The following ST6GALNAC1 variants were observed in gnomAD, a reference collection of about 807,000 sequenced individuals.
The protein encoded by ST6GALNAC1 is ST6 N-acetylgalactosaminide alpha-2,6-sialyltransferase 1.
ST6GALNAC1 carries 45 observed loss-of-function variants against 56.8 expected under a neutral mutation model. That is an observed-to-expected ratio of 0.79 (90% CI 0.62 to 1.02). ST6GALNAC1 has a LOEUF of 1.02. Ranked by LOEUF, ST6GALNAC1 falls within the 50% of genes least tolerant of loss-of-function variation. The pLI is 0.00. For synonymous variants in ST6GALNAC1, 295 were observed against 297.8 expected, an observed-to-expected ratio of 0.99 and a Z score of 0.10; for missense variants, 743 against 754.8, an observed-to-expected ratio of 0.98 and a Z score of 0.18.
At position 76,626,361 on chromosome 17, in the gene ST6GALNAC1, G is replaced by T. The variant is rs767866914; in HGVS notation, c.1343C>A (p.Thr448Asn). 1.9e-6 allele frequency: 3 copies of T among 1,614,030 alleles called. No individual in the cohort carries two copies. The highest frequency in any genetic ancestry group is 2.7e-5 in the African/African-American group (2 of 74,912). Residue 448 changes from threonine to asparagine, a missense_variant, in exon 6 of 9, where the codon ACC becomes AAC. By Grantham distance (65) the Thr-to-Asn change is moderately conservative. Transcript: ENST00000156626. ...DVRYLHFLEG[T>N]RDYEWLEALL... Reference sequence around the variant, plus strand: ...TGCTTCCAGCCACTCATAGTCCCGGGTGCCTTCCAGGAAGTGCAAGTAGCG... The same window carrying T: ...TGCTTCCAGCCACTCATAGTCCCGGTTGCCTTCCAGGAAGTGCAAGTAGCG...
rs2286594 is a variant in ST6GALNAC1 at position 76,629,279 on chromosome 17, C to T, written c.564G>A (p.Ala188=). 2.6e-4 allele frequency: 420 copies of T among 1,614,130 alleles called. 5 individuals are homozygous for T. The East Asian group carries it at 7.9e-3, about 30-fold the overall frequency. The change falls in exon 2 of 9, where the codon GCG becomes GCA. Residue 188 remains alanine (A), a synonymous_variant. Transcript: ENST00000156626. ...GAATGAGCGTCTTGGCTGTGGTTGC[C>T]GCTTTGCCCTGGTGCTTCTCTGACA... The part of the protein sequence containing the change: ...RTVSEKHQGK[A]ATTAKTLIPK...
downstream of ST6GALNAC1, among the ~76,000 whole-genome samples, chr17:76,621,872 G>A (rs960061104): frequency 1.3e-5 from 2 of 151,980 alleles, no homozygotes; most frequent in Non-Finnish European, 2.9e-5. Context: ...ACTGGTTCAG[G>A]GTGCTGCCTG....
At chr17:76,626,447 G>C in intron 5 of ST6GALNAC1, 55 bp from the exon 6 acceptor site, 1 of 1,579,588 alleles carries the variant, frequency 6.3e-7, no homozygotes. Flanking sequence ...GACCACCACC[G>C]AGGGTGGCCC....
At chr17:76,622,663 C>T (rs779881165), downstream of ST6GALNAC1, among the ~76,000 whole-genome samples, 1 of 152,110 alleles carries the variant, frequency 6.6e-6, no homozygotes, top group Non-Finnish European at 1.5e-5. Flanking sequence ...GCGCCTGGCC[C>T]ATTTTATTAA....
At chr17:76,642,806 C>T (rs1355936840) in intron 1 of ST6GALNAC1, among the ~76,000 whole-genome samples, 3 of 151,790 alleles carry the variant, frequency 2.0e-5, no homozygotes, top group Non-Finnish European at 2.9e-5. Flanking sequence ...GTGGCATGCG[C>T]CTGTAGTCCC....
chr17:76,623,809 G>C (rs906641233), downstream of ST6GALNAC1, among the ~76,000 whole-genome samples: 6 of 152,080 alleles, frequency 3.9e-5, no homozygotes. Context: ...CTTTGGACTC[G>C]AGTAACACTC....
At chr17:76,630,507 C>A (rs2075876584) in intron 1 of ST6GALNAC1, among the ~76,000 whole-genome samples, 1 of 152,092 alleles carries the variant, frequency 6.6e-6, no homozygotes, top group Non-Finnish European at 1.5e-5. Flanking sequence ...CCTAAACTTC[C>A]CAAGGGTGTT....
chr17:76,643,599 C>CT lies in ST6GALNAC1; in HGVS notation c.39dup (p.Gly14ArgfsTer23). 1 of 1,614,128 alleles carries CT rather than the reference C, an allele frequency of 6.2e-7. No individual in the cohort carries two copies. The highest frequency in any genetic ancestry group is 8.5e-7 in the Non-Finnish European group (1 of 1,180,002). On this transcript the variant is annotated frameshift_variant, in exon 1 of 9. Coordinates refer to ENST00000156626, the MANE Select transcript of ST6GALNAC1 (RefSeq NM_018414.5). LOFTEE classifies it high-confidence loss of function. Reference sequence around the variant, plus strand: ...GCCAGAAGCAAGGACCACTGGACGCCTTGGCTCAGGTGCCTGCATCTCCAC... The same window carrying CT: ...GCCAGAAGCAAGGACCACTGGACGCCTTTGGCTCAGGTGCCTGCATCTCCAC...
intron 1 of ST6GALNAC1, among the ~76,000 whole-genome samples, chr17:76,638,931 T>A (rs2076011502): frequency 6.6e-6 from 1 of 152,172 alleles, no homozygotes; most frequent in African/African-American, 2.4e-5. Flanking sequence ...ATCCTATTTG[T>A]TGCCAAGTCC....
At chr17:76,639,667 A>T (rs905851167) in intron 1 of ST6GALNAC1, among the ~76,000 whole-genome samples, 1 of 149,920 alleles carries the variant, frequency 6.7e-6, no homozygotes. Context: ...ACACACACAC[A>T]CACACACACA....
chr17:76,642,017 G>GTA (rs386386684), intron 1 of ST6GALNAC1: 1 of 149,644 alleles, frequency 6.7e-6, no homozygotes, highest in African/African-American at 2.5e-5. Context: ...ATATATATGT[G>GTA]TATATATCTA....
At position 76,643,552 on chromosome 17, in the gene ST6GALNAC1, G is replaced by A. The variant is rs760126899; in HGVS notation, c.87C>T (p.Phe29=). The A allele has an allele frequency of 3.6e-5, 58 of 1,613,992 alleles. No individual in the cohort carries two copies. The highest frequency in any genetic ancestry group is 4.4e-5 in the South Asian group (4 of 91,070). ...LLLAVLVFFL[F]ALPSFIKEPQ... ...GCTCCTTAATAAAAGAGGGCAAGGC[G>A]AAGAGAAAGAAGACCAGGACAGCCA... Residue 29 remains phenylalanine (F), a synonymous_variant, in exon 1 of 9, where the codon TTC becomes TTT. Coordinates refer to ENST00000156626, the MANE Select transcript of ST6GALNAC1 (RefSeq NM_018414.5).
At chr17:76,624,604 T>C (rs1210878907), downstream of ST6GALNAC1, among the ~76,000 whole-genome samples, 3 of 152,156 alleles carry the variant, frequency 2.0e-5, no homozygotes, top group African/African-American at 7.2e-5. Flanking sequence ...ATCCTGCAGA[T>C]AGAGCTCAAA....
the ST6GALNAC1 span, among the ~76,000 whole-genome samples, chr17:76,617,911 G>T: frequency 5.9e-5 from 9 of 152,198 alleles, no homozygotes; most frequent in African/African-American, 1.9e-4. Context: ...GCTCATTCTG[G>T]TTATCTGAAG....
Position 76,627,145 on chromosome 17 carries a change from C to A in ST6GALNAC1, c.1094G>T (p.Cys365Phe), listed in dbSNP as rs760944098. Residue 365 changes from cysteine to phenylalanine, a missense_variant, in exon 4 of 9, where the codon TGT becomes TTT. Coordinates refer to ENST00000156626, the MANE Select transcript of ST6GALNAC1 (RefSeq NM_018414.5). The surrounding 1 kb of genome is among the most constrained non-coding windows in gnomAD (Gnocchi z 4.4). The stretch of plus-strand genomic sequence containing the variant: ...GATGCCCCCGTTGCCCACCACGGCA[C>A]AGGTGATGCACCGGAGGCTCCCAGC... ...LPAGSLRCIT[C>F]AVVGNGGILN... 6.2e-7 allele frequency: 1 copy of A among 1,606,754 alleles called. No individual in the cohort carries two copies. Among genetic ancestry groups the A allele is most frequent in the Non-Finnish European group, 8.5e-7 (1 of 1,176,098 alleles).
In ST6GALNAC1 at chr17:76,627,137, C is replaced by G; in HGVS notation, c.1102G>C (p.Val368Leu). ...TTGTTCAGGATGCCCCCGTTGCCCA[C>G]CACGGCACAGGTGATGCACCGGAGG... ...GSLRCITCAV[V>L]GNGGILNNSH... Residue 368 changes from valine (V) to leucine (L), a missense_variant, in exon 4 of 9, where the codon GTG (valine) becomes CTG (leucine). Coordinates refer to ENST00000156626, the MANE Select transcript of ST6GALNAC1 (RefSeq NM_018414.5). The surrounding 1 kb of genome is among the most constrained non-coding windows in gnomAD (Gnocchi z 4.4). The G allele has an allele frequency of 6.2e-7, 1 of 1,604,564 alleles. No homozygotes were observed. Among genetic ancestry groups the G allele is most frequent in the African/African-American group, 1.3e-5 (1 of 74,732 alleles).
intron 2 of ST6GALNAC1, 48 bp downstream of exon 2, chr17:76,628,964 G>A: frequency 6.7e-7 from 1 of 1,496,558 alleles, no homozygotes; most frequent in South Asian, 1.4e-5. Flanking sequence ...TCTCAGGAGG[G>A]GCTTCAGAGC....
At position 76,626,766 on chromosome 17, in the gene ST6GALNAC1, C is replaced by T; in HGVS notation, c.1196G>A (p.Gly399Asp). The T allele has an allele frequency of 6.2e-7, 1 of 1,614,190 alleles. No homozygotes were observed. The highest frequency in any genetic ancestry group is 8.5e-7 in the Non-Finnish European group (1 of 1,180,030). The change falls in exon 5 of 9, where the codon GGC becomes GAC. Residue 399 changes from glycine to aspartate, a missense_variant. Coordinates refer to ENST00000156626, the MANE Select transcript of ST6GALNAC1 (RefSeq NM_018414.5). ...CCGAGTCCCCACATCCTGTTCGTAG[C>T]CTTTAATGAGAGCTCCGCTCAATCT... is the stretch of plus-strand genomic sequence containing the variant. Reference protein sequence around the residue: ...VFRLSGALIKGYEQDVGTRTS... With the variant: ...VFRLSGALIKDYEQDVGTRTS...
chr17:76,620,792 G>T (rs2143394744), downstream of ST6GALNAC1, among the ~76,000 whole-genome samples: 1 of 151,388 alleles, frequency 6.6e-6, no homozygotes, highest in African/African-American at 2.4e-5. Flanking sequence ...CATCTTCTTT[G>T]CCATGTTGGT....
Sources: allele counts gnomAD v4.1 joint callset (sites outside exome capture counted in the v4.1 genomes callset), GRCh38; gene constraint gnomAD v4.1.1; non-coding constraint Gnocchi (gnomAD v3.1); transcripts MANE v1.5; gene names NCBI Gene and HGNC (gene_info 2026-07-23, HGNC 2026-07-21).